Variants in SLC25A27 observed in about 807,000 individuals in gnomAD.
SLC25A27 encodes mitochondrial uncoupling protein 4.
In SLC25A27, 35 loss-of-function variants were observed where a neutral mutation model predicts 49.1. The ratio of observed to expected loss-of-function variants is 0.71; its 90% confidence interval spans 0.54 to 0.95. The LOEUF (loss-of-function observed/expected upper bound fraction) is 0.95, where lower values mean the gene tolerates loss of function less well. SLC25A27 is among the 40% of genes least tolerant of loss of function. SLC25A27 has a pLI of 0.00. For synonymous variants in SLC25A27, 144 were observed against 136.9 expected, an observed-to-expected ratio of 1.05 and a Z score of -0.36; for missense variants, 339 against 397.1, an observed-to-expected ratio of 0.85 and a Z score of 1.24.
intron 8 of SLC25A27, among the ~76,000 whole-genome samples, chr6:46,672,519 A>C (rs2150657714): frequency 6.6e-6 from 1 of 152,278 alleles, no homozygotes; most frequent in South Asian, 2.1e-4. Flanking sequence ...GATGGATTAA[A>C]AACATGTTTA....
At chr6:46,661,453 G>T (rs1763161130) in intron 3 of SLC25A27, among the ~76,000 whole-genome samples, 1 of 152,222 alleles carries the variant, frequency 6.6e-6, no homozygotes, top group Non-Finnish European at 1.5e-5. Flanking sequence ...GAATGAGGCT[G>T]CTCTATATGA....
In SLC25A27 at chr6:46,653,308, T is replaced by C; in HGVS notation, c.106+10T>C. 6.2e-7 allele frequency: 1 copy of C among 1,608,170 alleles called. No individual in the cohort carries two copies. The highest frequency in any genetic ancestry group is 8.5e-7 in the Non-Finnish European group (1 of 1,177,740). The stretch of plus-strand genomic sequence containing the variant: ...ACCGTGGCCGAGCTAGGTACCCGGC[T>C]GCCCACGCCTGGGCCTCCCGGGCCA... On this transcript the variant is annotated intron_variant, in intron 1 of 8. Coordinates refer to ENST00000371347, the MANE Select transcript of SLC25A27 (RefSeq NM_004277.5).
At chr6:46,662,525 C>T in intron 4 of SLC25A27, 27 bp downstream of exon 4, 2 of 1,609,938 alleles carry the variant, frequency 1.2e-6, no homozygotes, top group African/African-American at 1.3e-5. Flanking sequence ...ACCAATACCT[C>T]TCTTTTTCCC....
intron 1 of SLC25A27, chr6:46,654,093 G>C (rs1762880793): frequency 1.0e-6 from 1 of 985,116 alleles, no homozygotes; most frequent in Non-Finnish European, 1.2e-6. Flanking sequence ...AGAGTGGAAT[G>C]ATGATGCCCT....
rs552566509 is a variant in SLC25A27, at chr6:46,668,722, T to A, written c.633T>A (p.Tyr211Ter). ...TTCCATTGCCAGATTTAACCACTTA[T>A]GATACAGTGAAACACTACTTGGTAT... ...ALVNMGDLTT[Y>*]DTVKHYLVLN... The change falls in exon 6 of 9, where the codon TAT (tyrosine) becomes TAA (stop). Residue 211 changes from tyrosine to a stop codon, truncating the protein, a stop_gained. Coordinates refer to ENST00000371347, the MANE Select transcript of SLC25A27 (RefSeq NM_004277.5). LOFTEE classifies it high-confidence loss of function. 1 of 1,599,834 alleles carries A rather than the reference T, an allele frequency of 6.3e-7. No individual in the cohort carries two copies. The highest frequency in any genetic ancestry group is 8.6e-7 in the Non-Finnish European group (1 of 1,167,638).
At chr6:46,676,147 A>T (rs1241501122) in intron 8 of SLC25A27, among the ~76,000 whole-genome samples, 1 of 152,206 alleles carries the variant, frequency 6.6e-6, no homozygotes, top group Non-Finnish European at 1.5e-5. Context: ...AAAATCAGGG[A>T]TATTAATATC....
rs1763857108 is a variant in SLC25A27, at chr6:46,677,971, A to G, written c.*1517A>G. 1 of 146,344 alleles carries G rather than the reference A, an allele frequency of 6.8e-6. No homozygotes were observed. The highest frequency in any genetic ancestry group is 2.2e-4 in the South Asian group (1 of 4,582). The allele number at this position is 146,344 out of a possible 1,614,324, so 9.1% of individuals were successfully genotyped here. On this transcript the variant is annotated 3_prime_UTR_variant, in exon 9 of 9. Transcript: ENST00000371347. ...AGAATGTGAAGTTTAATCTCTTAAA[A>G]TATTTAGATGGTCTACTTTTTCATT...
chr6:46,665,413 C>T (rs1346930862), intron 5 of SLC25A27, among the ~76,000 whole-genome samples: 9 of 152,094 alleles, frequency 5.9e-5, no homozygotes, highest in African/African-American at 1.2e-4. Flanking sequence ...CCGCCGGGTG[C>T]GGTGGCTCAC....
intron 3 of SLC25A27, among the ~76,000 whole-genome samples, chr6:46,659,910 A>T (rs192299541): frequency 6.6e-6 from 1 of 150,380 alleles, no homozygotes; most frequent in Admixed American, 6.7e-5. Flanking sequence ...TATATATATA[A>T]AATTATATAA....
chr6:46,655,779 T>G, intron 1 of SLC25A27, 64 bp from the exon 2 acceptor site: 1 of 1,402,676 alleles, frequency 7.1e-7, no homozygotes, highest in Non-Finnish European at 1.0e-6. Context: ...ACTCCTATGA[T>G]TTTAGATTTT....
Position 46,677,853 on chromosome 6 carries a change from C to G in SLC25A27, c.*1399C>G, listed in dbSNP as rs1475982441. On this transcript the variant is annotated 3_prime_UTR_variant, in exon 9 of 9. Coordinates refer to ENST00000371347, the MANE Select transcript of SLC25A27 (RefSeq NM_004277.5). The stretch of plus-strand genomic sequence containing the variant: ...TGCTTTGTGGTTGCACTAATGTATA[C>G]TCACTGCCATTTTAAGAGGGGGAAG... 6.6e-6 allele frequency: 1 copy of G among 152,408 alleles called. No individual in the cohort carries two copies. Among genetic ancestry groups the G allele is most frequent in the Non-Finnish European group, 1.5e-5 (1 of 68,004 alleles). The allele number at this position is 152,408 out of a possible 1,614,324, so 9.4% of individuals were successfully genotyped here. A position where few individuals can be genotyped will look rare whatever the true frequency, so the allele number is the denominator to read the frequency against.
chr6:46,664,894 A>G lies in SLC25A27; in HGVS notation c.619+8A>G. ...CACTGGTGAATATGGGAGGTAATGA[A>G]AACTTTGTTAAATTCTAAAAAGTCC... On this transcript the variant is annotated splice_region_variant and intron_variant, in intron 5 of 8. Coordinates refer to ENST00000371347, the MANE Select transcript of SLC25A27 (RefSeq NM_004277.5). 1 of 1,468,684 alleles carries G rather than the reference A, an allele frequency of 6.8e-7. No individual in the cohort carries two copies. The highest frequency in any genetic ancestry group is 9.3e-7 in the Non-Finnish European group (1 of 1,075,554). The allele number at this position is 1,468,684 out of a possible 1,614,324, so 91.0% of individuals were successfully genotyped here.
rs1762803713 is a variant in SLC25A27, at chr6:46,652,998, AG to A, written c.-191del. The A allele has an allele frequency of 1.7e-6, 1 of 600,604 alleles. No individual in the cohort carries two copies. The highest frequency in any genetic ancestry group is 2.9e-6 in the Non-Finnish European group (1 of 339,392). 37.2% of individuals were successfully genotyped at this position (600,604 alleles called of 1,614,324 possible). ...CTGTGTTTTTCTATTCTGGGGTGTA[AG>A]GGGCAGCTGGACCACTCCAGCTGGG... is the stretch of plus-strand genomic sequence containing the variant. On this transcript the variant is annotated 5_prime_UTR_variant, in exon 1 of 9. Coordinates refer to ENST00000371347, the MANE Select transcript of SLC25A27 (RefSeq NM_004277.5).
intron 6 of SLC25A27, among the ~76,000 whole-genome samples, 157 bp downstream of exon 6, chr6:46,668,950 C>T (rs1303882999): frequency 6.6e-6 from 1 of 152,000 alleles, no homozygotes; most frequent in Non-Finnish European, 1.5e-5. Context: ...AAGTTTCTTG[C>T]AGTTAGAATG....
intron 7 of SLC25A27, 134 bp downstream of exon 7, chr6:46,670,361 T>TA: frequency 1.6e-6 from 1 of 628,578 alleles, no homozygotes; most frequent in Non-Finnish European, 2.8e-6. Flanking sequence ...GCATTTTTTT[T>TA]ATGCAATTAC....
intron 2 of SLC25A27, 104 bp downstream of exon 2, chr6:46,656,138 T>TA: frequency 1.1e-6 from 1 of 894,136 alleles, no homozygotes. Flanking sequence ...ATCTTACTGA[T>TA]ACAATAACTG....
intron 5 of SLC25A27, among the ~76,000 whole-genome samples, chr6:46,665,982 C>A (rs1266200073): frequency 6.6e-6 from 1 of 152,196 alleles, no homozygotes; most frequent in African/African-American, 2.4e-5. Flanking sequence ...CTGGCCTGTG[C>A]CTTCAGAGAA....
At chr6:46,676,050 C>T (rs1763772273) in intron 8 of SLC25A27, among the ~76,000 whole-genome samples, 2 of 152,136 alleles carry the variant, frequency 1.3e-5, no homozygotes, top group African/African-American at 4.8e-5. Context: ...ATAAAAAGAA[C>T]TCTGAGAATG....
chr6:46,662,434 A>G lies in SLC25A27; in HGVS notation c.442A>G (p.Thr148Ala), dbSNP rs771239382. The change falls in exon 4 of 9, where the codon ACT becomes GCT. Residue 148 changes from threonine (T) to alanine (A), a missense_variant. By Grantham distance (58) the Thr-to-Ala change is moderately conservative. Coordinates refer to ENST00000371347, the MANE Select transcript of SLC25A27 (RefSeq NM_004277.5). ...TATTGGCCAGTTTTTAGCCAATCCA[A>G]CTGACCTAGTGAAGGTTCAGATGCA... ...GVIGQFLANP[T>A]DLVKVQMQME... 12 of 1,613,838 alleles carry G rather than the reference A, an allele frequency of 7.4e-6. No individual in the cohort carries two copies. In the African/African-American group the frequency reaches 1.5e-4, roughly 20 times the overall value.
Sources: allele counts gnomAD v4.1 joint callset (sites outside exome capture counted in the v4.1 genomes callset), GRCh38; gene constraint gnomAD v4.1.1; transcripts MANE v1.5; gene names NCBI Gene and HGNC (gene_info 2026-07-23, HGNC 2026-07-21).